PSMA3: variants seen among roughly 807,000 people sequenced by gnomAD.
PSMA3 encodes proteasome subunit alpha type-3.
Under a neutral mutation model 40.0 loss-of-function variants are expected in PSMA3, and 8 were observed. The ratio of observed to expected loss-of-function variants is 0.20; its 90% CI spans 0.12 to 0.36. PSMA3 has a LOEUF of 0.36. PSMA3 is among the 10% of genes least tolerant of loss of function. The pLI is 1.00. For synonymous variants in PSMA3, 110 were observed against 100.0 expected (o/e 1.10, Z -0.59); for missense variants, 219 against 310.6 (o/e 0.70, Z 2.22).
intron 3 of PSMA3, among the ~76,000 whole-genome samples, chr14:58,257,097 GTC>G (rs1890161703): frequency 1.0e-5 from 1 of 95,970 alleles, no homozygotes; most frequent in Non-Finnish European, 2.2e-5. Context: ...GTGAGACTCT[GTC>G]TCAAAAAAAA....
At position 58,244,917 on chromosome 14, in the gene PSMA3, C is replaced by A; in HGVS notation, c.-4C>A. Reference sequence around the variant, plus strand: ...TCCCTACGCGTCCCTTTGGGTTTAGCACGATGAGCTCAATCGGCACTGGGG... The same window carrying A: ...TCCCTACGCGTCCCTTTGGGTTTAGAACGATGAGCTCAATCGGCACTGGGG... On this transcript the variant is annotated 5_prime_UTR_variant, in exon 1 of 11. Coordinates refer to ENST00000216455, the MANE Select transcript of PSMA3 (RefSeq NM_002788.4). The A allele has an allele frequency of 6.2e-7, 1 of 1,614,174 alleles. No individual in the cohort carries two copies. Among genetic ancestry groups the A allele is most frequent in the Non-Finnish European group, 8.5e-7 (1 of 1,180,014 alleles).
intron 3 of PSMA3, among the ~76,000 whole-genome samples, chr14:58,254,120 C>A (rs1439881059): frequency 6.6e-6 from 1 of 151,290 alleles, no homozygotes; most frequent in African/African-American, 2.4e-5. Context: ...GAATTCTCAT[C>A]ATTTAGCTTC....
intron 2 of PSMA3, among the ~76,000 whole-genome samples, chr14:58,248,646 G>C (rs905565519): frequency 6.6e-6 from 1 of 151,846 alleles, no homozygotes; most frequent in Admixed American, 6.6e-5. Context: ...AAACGAATGT[G>C]TTTTTTCCTG....
chr14:58,256,528 C>T (rs937978727), intron 3 of PSMA3, among the ~76,000 whole-genome samples: 3 of 151,796 alleles, frequency 2.0e-5, no homozygotes, highest in African/African-American at 7.3e-5. Flanking sequence ...AATTCTCTGC[C>T]TCGGCCTCCC....
At chr14:58,263,604 T>C in intron 6 of PSMA3, 101 bp from the exon 7 acceptor site, 1 of 909,836 alleles carries the variant, frequency 1.1e-6, no homozygotes, top group Non-Finnish European at 1.6e-6. Flanking sequence ...CTTTTAAAAG[T>C]CATTTAGCAT....
intron 6 of PSMA3, among the ~76,000 whole-genome samples, chr14:58,263,053 G>C (rs1313109402): frequency 1.3e-5 from 2 of 149,386 alleles, no homozygotes; most frequent in African/African-American, 5.0e-5. Context: ...CGCGGTCTCA[G>C]CTCACTGCAA....
intron 1 of PSMA3, 35 bp downstream of exon 1, chr14:58,244,976 C>G (rs201362866): frequency 1.2e-6 from 2 of 1,614,100 alleles, no homozygotes; most frequent in Non-Finnish European, 1.7e-6. Context: ...ATAGTTTAAC[C>G]TAAGGATTGG....
intron 6 of PSMA3, among the ~76,000 whole-genome samples, chr14:58,262,965 G>C (rs1036411055): frequency 2.7e-5 from 4 of 149,488 alleles, no homozygotes; most frequent in African/African-American, 9.9e-5. Context: ...TGCTGTAACA[G>C]AAGTATATAT....
At chr14:58,255,944 C>T (rs1305708581) in intron 3 of PSMA3, among the ~76,000 whole-genome samples, 8 of 152,054 alleles carry the variant, frequency 5.3e-5, no homozygotes, top group Admixed American at 1.3e-4. Flanking sequence ...CTGCAGCCTC[C>T]GCCTCCCGAG....
At chr14:58,261,470 G>C (rs1219685320) in intron 6 of PSMA3, among the ~76,000 whole-genome samples, 2 of 152,010 alleles carry the variant, frequency 1.3e-5, no homozygotes, top group Non-Finnish European at 2.9e-5. Context: ...TGAGCCACCA[G>C]GCCCAGCCAT....
intron 6 of PSMA3, among the ~76,000 whole-genome samples, chr14:58,263,022 GC>G (rs1487847317): frequency 7.5e-5 from 10 of 133,168 alleles, no homozygotes; most frequent in African/African-American, 2.6e-4. Context: ...TCACTCTGTT[GC>G]CCAGGCTGGA....
At chr14:58,250,530 A>G (rs1398332395) in intron 2 of PSMA3, among the ~76,000 whole-genome samples, 1 of 152,194 alleles carries the variant, frequency 6.6e-6, no homozygotes, top group East Asian at 1.9e-4. Context: ...AGGAAATTGA[A>G]TATGCTCAGG....
At chr14:58,267,189 A>G in intron 7 of PSMA3, 1 of 211,358 alleles carries the variant, frequency 4.7e-6, no homozygotes, top group Non-Finnish European at 8.5e-6. Context: ...TTAAGTAGAG[A>G]CAGGGTTTCA....
chr14:58,248,008 T>C (rs1483152572), intron 2 of PSMA3, among the ~76,000 whole-genome samples, 176 bp downstream of exon 2: 2 of 152,240 alleles, frequency 1.3e-5, no homozygotes, highest in Non-Finnish European at 2.9e-5. Context: ...CCTATATTTC[T>C]CGTTGATTCC....
chr14:58,269,437 T>G (rs1290567067), intron 8 of PSMA3: 2 of 152,246 alleles, frequency 1.3e-5, no homozygotes, highest in Admixed American at 1.3e-4. Context: ...TAGTTTTTTT[T>G]TTTTTATTTT....
intron 8 of PSMA3, 78 bp from the exon 9 acceptor site, chr14:58,270,340 T>C: frequency 6.4e-7 from 1 of 1,569,402 alleles, no homozygotes; most frequent in Non-Finnish European, 8.6e-7. Flanking sequence ...ACATTCTAAT[T>C]TGTACTGACT....
At chr14:58,260,555 A>C (rs1207396037) in intron 5 of PSMA3, among the ~76,000 whole-genome samples, 1 of 152,218 alleles carries the variant, frequency 6.6e-6, no homozygotes. Flanking sequence ...ATTGGGAAAT[A>C]GAATGAAGGG....
intron 10 of PSMA3, 59 bp from the exon 11 acceptor site, chr14:58,271,792 C>G: frequency 1.6e-6 from 2 of 1,260,628 alleles, no homozygotes; most frequent in Non-Finnish European, 2.3e-6. Flanking sequence ...AACTTGCCCA[C>G]AGGTGTGGGA....
At chr14:58,262,347 A>T (rs750377834) in intron 6 of PSMA3, among the ~76,000 whole-genome samples, 3 of 152,046 alleles carry the variant, frequency 2.0e-5, no homozygotes, top group Non-Finnish European at 4.4e-5. Flanking sequence ...CTGGGATTAG[A>T]AGCATGCATC....
Sources: gnomAD v4.1 joint callset for allele counts (sites outside exome capture counted in the v4.1 genomes callset) on GRCh38, gnomAD v4.1.1 for gene constraint, MANE v1.5 for transcripts, NCBI Gene and HGNC (gene_info 2026-07-23, HGNC 2026-07-21) for gene names.